MAML3: variants seen among roughly 807,000 people sequenced by gnomAD.
MAML3 encodes the protein mastermind like transcriptional coactivator 3.
Under a neutral mutation model 101.9 loss-of-function variants are expected in MAML3, and 27 were observed. The observed-to-expected ratio is 0.27, with a 90% CI of 0.20 to 0.37. The LOEUF is 0.37. Among genes scored for constraint, MAML3 ranks in the 10% least tolerant of loss-of-function variants. The pLI is 1.00. For missense variants in MAML3, 1,316 were observed against 1,444.9 expected (o/e 0.91, Z 1.45); for synonymous variants, 501 against 555.9 (o/e 0.90, Z 1.39).
chr4:139,775,208 T>C (rs1349744304), intron 2 of MAML3, among the ~76,000 whole-genome samples: 1 of 152,092 alleles, frequency 6.6e-6, no homozygotes, highest in Non-Finnish European at 1.5e-5. Context: ...CTGGGAAATA[T>C]TTTCTCCTCC....
At chr4:139,771,589 T>G (rs1421852855) in intron 2 of MAML3, among the ~76,000 whole-genome samples, 3 of 152,176 alleles carry the variant, frequency 2.0e-5, no homozygotes, top group Non-Finnish European at 4.4e-5. Flanking sequence ...AAGGGCAGAG[T>G]TCACTAGTTT....
intron 1 of MAML3, among the ~76,000 whole-genome samples, chr4:140,069,768 G>C (rs1727613327): frequency 6.6e-6 from 1 of 151,894 alleles, no homozygotes. Flanking sequence ...CTACAGAATA[G>C]AATACATAGT....
In MAML3 at chr4:140,015,984, T is replaced by C. The variant is rs1428174728; in HGVS notation, c.469-125017A>G. Among the ~76,000 whole-genome samples the C allele has an allele frequency of 3.9e-5, 6 of 152,012 alleles. No individual in the cohort carries two copies. In the Middle Eastern group the frequency reaches 0.017, roughly 434 times the overall value. The stretch of plus-strand genomic sequence containing the variant: ...ATACATAAAAATAAAGGTATACAGA[T>C]GAAAAAGGATTGGTTCCTGTTTATG... On this transcript the variant is annotated intron_variant, in intron 1 of 4. Transcript: ENST00000509479.
intron 1 of MAML3, among the ~76,000 whole-genome samples, chr4:140,045,380 G>A (rs2005045): frequency 0.041 from 5,169 of 127,232 alleles, 184 homozygotes; most frequent in African/African-American, 0.098. Flanking sequence ...GGGCGACAGA[G>A]CAAGACTCCA....
At chr4:140,040,504 G>A (rs1412371227) in intron 1 of MAML3, among the ~76,000 whole-genome samples, 1 of 152,188 alleles carries the variant, frequency 6.6e-6, no homozygotes, top group African/African-American at 2.4e-5. Flanking sequence ...TTATATGGTT[G>A]ATATCCACCA....
intron 2 of MAML3, among the ~76,000 whole-genome samples, chr4:139,749,607 G>A (rs911335336): frequency 2.0e-5 from 3 of 152,206 alleles, no homozygotes; most frequent in African/African-American, 4.8e-5. Context: ...GTCAGAACAC[G>A]TGAAAGGACT....
intron 2 of MAML3, among the ~76,000 whole-genome samples, chr4:139,853,785 A>G (rs1431769381): frequency 1.3e-5 from 2 of 152,062 alleles, no homozygotes; most frequent in African/African-American, 2.4e-5. Flanking sequence ...TTTACCAGCT[A>G]TGAGCAGCTA....
chr4:139,870,996 T>C (rs1389239009), intron 2 of MAML3, among the ~76,000 whole-genome samples: 1 of 152,218 alleles, frequency 6.6e-6, no homozygotes, highest in Non-Finnish European at 1.5e-5. Context: ...GGTTTTCAGA[T>C]GTTTTTGGAA....
intron 2 of MAML3, among the ~76,000 whole-genome samples, chr4:139,763,391 T>C (rs1349040126): frequency 6.6e-6 from 1 of 152,188 alleles, no homozygotes; most frequent in Non-Finnish European, 1.5e-5. Flanking sequence ...AGTCGGCTGC[T>C]GAGGGGGCCA....
chr4:139,951,566 G>A (rs972927464), intron 1 of MAML3, among the ~76,000 whole-genome samples: 1 of 152,242 alleles, frequency 6.6e-6, no homozygotes, highest in African/African-American at 2.4e-5. Flanking sequence ...GCAGAGCTGT[G>A]GAGGAGGGAG....
intron 2 of MAML3, among the ~76,000 whole-genome samples, chr4:139,864,821 T>C (rs1731861959): frequency 1.3e-5 from 2 of 150,304 alleles, no homozygotes; most frequent in African/African-American, 2.5e-5. Flanking sequence ...CGCAGAATTA[T>C]AGGACTCTCA....
intron 1 of MAML3, among the ~76,000 whole-genome samples, chr4:139,918,400 G>A (rs752745640): frequency 8.6e-5 from 13 of 152,042 alleles, no homozygotes; most frequent in Non-Finnish European, 1.5e-4. Flanking sequence ...CATCTGCACC[G>A]GTGCTTCTCT....
chr4:139,880,197 A>C (rs1732192398), intron 2 of MAML3, among the ~76,000 whole-genome samples: 1 of 151,984 alleles, frequency 6.6e-6, no homozygotes, highest in South Asian at 2.1e-4. Context: ...AAAAACAAAC[A>C]AAAAACCTCT....
At chr4:139,815,307 G>T (rs1730875400) in intron 2 of MAML3, among the ~76,000 whole-genome samples, 1 of 152,168 alleles carries the variant, frequency 6.6e-6, no homozygotes, top group African/African-American at 2.4e-5. Flanking sequence ...TCTTACAACA[G>T]GTAAATATGG....
At chr4:139,985,597 A>G (rs1734522298) in intron 1 of MAML3, among the ~76,000 whole-genome samples, 1 of 152,242 alleles carries the variant, frequency 6.6e-6, no homozygotes, top group Admixed American at 6.5e-5. Context: ...TGTTTATGTC[A>G]TTTAGCTAAG....
At chr4:139,795,447 T>G (rs1006294561) in intron 2 of MAML3, among the ~76,000 whole-genome samples, 2 of 152,188 alleles carry the variant, frequency 1.3e-5, no homozygotes, top group African/African-American at 4.8e-5. Flanking sequence ...GTGTTAAGGG[T>G]GAAATTAGAA....
Position 140,153,375 on chromosome 4 carries a change from CCCT to C in MAML3, c.-51_-49del. 2.0e-6 allele frequency: 3 copies of C among 1,508,968 alleles called. No individual in the cohort carries two copies. The highest frequency in any genetic ancestry group is 1.8e-6 in the Non-Finnish European group (2 of 1,129,490). The allele number at this position is 1,508,968 out of a possible 1,614,324, so 93.5% of individuals were successfully genotyped here. A position where few individuals can be genotyped will look rare whatever the true frequency, so the allele number is the denominator to read the frequency against. ...TTGGAAGAACTTTTTTTATCCACCC[CCCT>C]ATCAGCCTCCTCCTTGGGTCCAAGG... On this transcript the variant is annotated 5_prime_UTR_variant, in exon 1 of 5. It adds an upstream start codon to the 5' untranslated region. Transcript: ENST00000509479.
At chr4:139,941,517 C>T (rs6536588) in intron 1 of MAML3, among the ~76,000 whole-genome samples, 63,653 of 151,614 alleles carry the variant, frequency 0.42, 14,812 homozygotes, top group African/African-American at 0.63. Context: ...AAGTTAATAA[C>T]CCTAATGTGT....
intron 2 of MAML3, among the ~76,000 whole-genome samples, chr4:139,795,138 C>A (rs1471472275): frequency 6.6e-6 from 1 of 152,144 alleles, no homozygotes; most frequent in African/African-American, 2.4e-5. Flanking sequence ...ATGTCAATAA[C>A]CCATCCTGAA....
Sources: allele counts gnomAD v4.1 joint callset (sites outside exome capture counted in the v4.1 genomes callset), GRCh38; gene constraint gnomAD v4.1.1; transcripts MANE v1.5; gene names NCBI Gene and HGNC (gene_info 2026-07-23, HGNC 2026-07-21).